BAZ1B: variants seen among roughly 807,000 people sequenced by gnomAD.
BAZ1B encodes tyrosine-protein kinase BAZ1B.
In BAZ1B, 22 loss-of-function variants were observed where a neutral mutation model predicts 153.8. The ratio of observed to expected loss-of-function variants is 0.14; its 90% CI spans 0.10 to 0.20. The LOEUF (loss-of-function observed/expected upper bound fraction) is 0.20. Among genes scored for constraint, BAZ1B ranks in the 10% least tolerant of loss-of-function variants. The pLI is 1.00. For synonymous variants in BAZ1B, 676 were observed against 633.4 expected (o/e 1.07, Z -1.01); for missense variants, 1,325 against 1,799.3 (o/e 0.74, Z 4.77).
Position 73,447,256 on chromosome 7 carries a change from A to C in BAZ1B, c.3844+8T>G. 6.2e-7 allele frequency: 1 copy of C among 1,613,532 alleles called. No homozygotes were observed. Among genetic ancestry groups the C allele is most frequent in the Middle Eastern group, 1.8e-4 (1 of 5,674 alleles). ...GAAATCAACTACAAAGGCAGACAAA[A>C]TACTTACATCGCAAACCAGCCACCT... On this transcript the variant is annotated splice_region_variant and intron_variant, in intron 16 of 19. Transcript: ENST00000339594.
At chr7:73,492,719 A>T in intron 5 of BAZ1B, 81 bp downstream of exon 5, 1 of 1,388,026 alleles carries the variant, frequency 7.2e-7, no homozygotes, top group East Asian at 2.4e-5. Context: ...TTTCTTCAGC[A>T]CATTTTCTCC....
intron 13 of BAZ1B, 127 bp from the exon 14 acceptor site, chr7:73,451,121 C>T: frequency 8.3e-7 from 1 of 1,209,158 alleles, no homozygotes; most frequent in Non-Finnish European, 1.1e-6. Context: ...CTAATCTAAA[C>T]CATTTATTCT....
At position 73,442,285 on chromosome 7, in the gene BAZ1B, T is replaced by C; in HGVS notation, c.4363A>G (p.Lys1455Glu). 6.2e-7 allele frequency: 1 copy of C among 1,614,138 alleles called. No individual in the cohort carries two copies. The highest frequency in any genetic ancestry group is 8.5e-7 in the Non-Finnish European group (1 of 1,180,032). Residue 1455 changes from lysine to glutamate, a missense_variant, in exon 19 of 20, where the codon AAG (lysine) becomes GAG (glutamate). Physicochemically the swap from Lys to Glu is moderately conservative, Grantham distance 56. Coordinates refer to ENST00000339594, the MANE Select transcript of BAZ1B (RefSeq NM_032408.4). ...PGHPYVRRKR[K>E]KFPDRLAEDE... The stretch of plus-strand genomic sequence containing the variant: ...TCAGCAAGCCTATCAGGAAACTTCT[T>C]GCGCTTCCTGCGGACATATGGGTGG...
intron 1 of BAZ1B, among the ~76,000 whole-genome samples, 159 bp from the exon 2 acceptor site, chr7:73,511,011 C>T (rs1212116624): frequency 6.6e-6 from 1 of 152,132 alleles, no homozygotes; most frequent in Non-Finnish European, 1.5e-5. Flanking sequence ...GTGGTTCACG[C>T]CTGTAATCCC....
At chr7:73,473,604 C>G (rs1554572360) in intron 7 of BAZ1B, among the ~76,000 whole-genome samples, 1 of 152,128 alleles carries the variant, frequency 6.6e-6, no homozygotes, top group African/African-American at 2.4e-5. Flanking sequence ...TACTCAGGCA[C>G]AGTATGCATA....
At chr7:73,474,070 T>C (rs1482100515) in intron 7 of BAZ1B, among the ~76,000 whole-genome samples, 1 of 152,222 alleles carries the variant, frequency 6.6e-6, no homozygotes, top group Non-Finnish European at 1.5e-5. Context: ...AGTGTGGCTT[T>C]TACATAAAGA....
At chr7:73,476,307 C>T (rs937375533) in intron 7 of BAZ1B, among the ~76,000 whole-genome samples, 1 of 152,182 alleles carries the variant, frequency 6.6e-6, no homozygotes, top group East Asian at 1.9e-4. Context: ...TACTGTATGT[C>T]GATTATTTCT....
Position 73,462,508 on chromosome 7 carries a change from A to C in BAZ1B, c.3249+414T>G, listed in dbSNP as rs1239747384. 3 of 240,758 alleles carry C rather than the reference A, an allele frequency of 1.2e-5. No individual in the cohort carries two copies. In the East Asian group the frequency reaches 3.9e-4, roughly 31 times the overall value. 14.9% of individuals were successfully genotyped at this position (240,758 alleles called of 1,614,324 possible). A position where few individuals can be genotyped will look rare whatever the true frequency, so the allele number is the denominator to read the frequency against. On this transcript the variant is annotated intron_variant, in intron 12 of 19. Coordinates refer to ENST00000339594, the MANE Select transcript of BAZ1B (RefSeq NM_032408.4). ...CTGTAATGACAGCACACTGGACAAC[A>C]TGAGTGATGCCCAACATAAATAGAA...
At chr7:73,466,244 C>T (rs900143091) in intron 10 of BAZ1B, 52 bp downstream of exon 10, 18 of 1,339,806 alleles carry the variant, frequency 1.3e-5, no homozygotes, top group Non-Finnish European at 1.9e-5. Context: ...TACTTTCTTC[C>T]TTAACAATTA....
chr7:73,498,063 G>A (rs868940937), intron 4 of BAZ1B, among the ~76,000 whole-genome samples: 2 of 151,788 alleles, frequency 1.3e-5, no homozygotes, highest in African/African-American at 2.4e-5. Flanking sequence ...GGGTTCAAGC[G>A]ATTCTCCTGC....
Position 73,472,817 on chromosome 7 carries a change from T to C in BAZ1B, c.2594-2334A>G, listed in dbSNP as rs528788421. ...CTATCATCAGGCTGGAGTGCAGTGG[T>C]GTGATCTCGGCTCTCTGCAACCTCC... On this transcript the variant is annotated intron_variant, in intron 7 of 19. Coordinates refer to ENST00000339594, the MANE Select transcript of BAZ1B (RefSeq NM_032408.4). 1.2e-3 allele frequency among the ~76,000 whole-genome samples: 179 copies of C among 151,864 alleles called. 1 individual carries two copies. The highest frequency in any genetic ancestry group is 1.5e-3 in the Non-Finnish European group (101 of 67,988).
chr7:73,521,789 C>T (rs782411847), intron 1 of BAZ1B, 38 bp downstream of exon 1: 1 of 1,468,624 alleles, frequency 6.8e-7, no homozygotes, highest in Non-Finnish European at 9.1e-7. Context: ...CCCGGCCCAG[C>T]CCGGCCCAGC....
At position 73,478,269 on chromosome 7, in the gene BAZ1B, T is replaced by C. The variant is rs781997836; in HGVS notation, c.1192A>G (p.Ser398Gly). 3 of 1,614,122 alleles carry C rather than the reference T, an allele frequency of 1.9e-6. No individual in the cohort carries two copies. In the African/African-American group the frequency reaches 4.0e-5, roughly 22 times the overall value. ...GPPAKKPGKH[S>G]DKPLKAKGRS... ...CCCTTTGCCTTCAAAGGCTTGTCAC[T>C]GTGCTTCCCTGGTTTCTTGGCAGGT... The change falls in exon 7 of 20, where the codon AGT (serine) becomes GGT (glycine). Residue 398 changes from serine (S) to glycine (G), a missense_variant. By Grantham distance (56) the Ser-to-Gly change is moderately conservative. Transcript: ENST00000339594.
chr7:73,462,819 G>A, intron 12 of BAZ1B, 103 bp downstream of exon 12: 2 of 1,273,806 alleles, frequency 1.6e-6, no homozygotes, highest in South Asian at 1.3e-5. Flanking sequence ...CCAAACATCT[G>A]ATTTCCAGGA....
intron 1 of BAZ1B, among the ~76,000 whole-genome samples, chr7:73,515,588 A>AGT (rs1554579179): frequency 7.5e-6 from 1 of 132,960 alleles, no homozygotes; most frequent in African/African-American, 2.9e-5. Flanking sequence ...CCCAAGCTGG[A>AGT]GTGCAATAGC....
chr7:73,519,059 A>G (rs562958677), intron 1 of BAZ1B, among the ~76,000 whole-genome samples: 2 of 152,302 alleles, frequency 1.3e-5, no homozygotes, highest in African/African-American at 4.8e-5. Flanking sequence ...ATACAAAGCT[A>G]CAGTACAATC....
At chr7:73,475,842 T>C (rs1288455522) in intron 7 of BAZ1B, among the ~76,000 whole-genome samples, 1 of 149,942 alleles carries the variant, frequency 6.7e-6, no homozygotes, top group Non-Finnish European at 1.5e-5. Context: ...GAGAATCGCT[T>C]GAATCCAGAA....
At chr7:73,514,727 G>A (rs1251541090) in intron 1 of BAZ1B, among the ~76,000 whole-genome samples, 2 of 152,022 alleles carry the variant, frequency 1.3e-5, no homozygotes, top group African/African-American at 4.8e-5. Flanking sequence ...GATCACTTGA[G>A]CCCAGGAGGT....
chr7:73,492,821 C>T lies in BAZ1B; in HGVS notation c.672G>A (p.Val224=). The T allele has an allele frequency of 6.2e-7, 1 of 1,606,340 alleles. No individual in the cohort carries two copies. Among genetic ancestry groups the T allele is most frequent in the South Asian group, 1.1e-5 (1 of 89,160 alleles). The change falls in exon 5 of 20, where the codon GTG becomes GTA. Residue 224 remains valine, a synonymous_variant. Transcript: ENST00000339594. ...TAACCTTATCTTCATTTTGTAGTTT[C>T]ACATCATATTTGTGAGGCAGAAATT... ...PPKFLPHKYD[V]KLQNEDKIIS...
Sources: allele counts gnomAD v4.1 joint callset (sites outside exome capture counted in the v4.1 genomes callset), GRCh38; gene constraint gnomAD v4.1.1; transcripts MANE v1.5; gene names NCBI Gene and HGNC (gene_info 2026-07-23, HGNC 2026-07-21).